JAK1: variants seen among roughly 807,000 people sequenced by gnomAD.
The protein encoded by JAK1 is tyrosine-protein kinase JAK1.
Under a neutral mutation model 136.6 loss-of-function variants are expected in JAK1, and 16 were observed. That is an observed-to-expected ratio of 0.12 (90% CI 0.08 to 0.18). JAK1 has a LOEUF of 0.18. Ranked by LOEUF, JAK1 falls within the 10% of genes least tolerant of loss-of-function variation. The pLI is 1.00. For missense variants in JAK1, 859 were observed against 1,450.1 expected (o/e 0.59, Z 6.62); for synonymous variants, 492 against 519.5 (o/e 0.95, Z 0.72).
intron 1 of JAK1, among the ~76,000 whole-genome samples, chr1:64,951,652 T>C (rs1237641694): frequency 1.5e-4 from 2 of 13,652 alleles, no homozygotes; most frequent in Non-Finnish European, 2.5e-4. Context: ...GTTCTGCCTT[T>C]TTTTTTTTTT....
At position 65,065,568 on chromosome 1, in the gene JAK1, G is replaced by A. The variant is rs759345913; in HGVS notation, c.-181+2036C>T. Among the ~76,000 whole-genome samples the A allele has an allele frequency of 4.5e-4, 68 of 151,684 alleles. 1 individual carries two copies. The highest frequency in any genetic ancestry group is 2.0e-4 in the Admixed American group (3 of 15,220). On this transcript the variant is annotated intron_variant, in intron 1 of 25. Coordinates refer to the JAK1 transcript ENST00000671954. Reference sequence around the variant, plus strand: ...ATTATAAAGCTAGGAGGCTTTTAGAGGGAAACGCTGTTGGAATATTCAGGA... The same window carrying A: ...ATTATAAAGCTAGGAGGCTTTTAGAAGGAAACGCTGTTGGAATATTCAGGA...
At chr1:65,062,072 A>G (rs1377375357) in intron 1 of JAK1, among the ~76,000 whole-genome samples, 2 of 152,178 alleles carry the variant, frequency 1.3e-5, no homozygotes, top group Admixed American at 6.5e-5. Flanking sequence ...ACACGGTAAC[A>G]AAGAGAAGAC....
chr1:64,975,245 A>G (rs778140331), intron 2 of JAK1, among the ~76,000 whole-genome samples: 2 of 152,138 alleles, frequency 1.3e-5, no homozygotes, highest in Non-Finnish European at 2.9e-5. Flanking sequence ...ATAGGCATGC[A>G]CCACTGCACC....
In JAK1 at chr1:64,984,413, C is replaced by T. The variant is rs189574479; in HGVS notation, c.-78+60067G>A. Reference sequence around the variant, plus strand: ...GGGTAGGTTCACTTGGTCTCTCCTACGCAGAAGAGAATGTCCAAGAAATGA... The same window carrying T: ...GGGTAGGTTCACTTGGTCTCTCCTATGCAGAAGAGAATGTCCAAGAAATGA... On this transcript the variant is annotated intron_variant, in intron 2 of 25. Transcript: ENST00000671954. This position sits in a 1 kb window ranked among gnomAD's most constrained non-coding sequence, Gnocchi z 4.1. 3.0e-4 allele frequency among the ~76,000 whole-genome samples: 45 copies of T among 152,258 alleles called. No homozygotes were observed. Among genetic ancestry groups the T allele is most frequent in the Admixed American group, 3.3e-4 (5 of 15,284 alleles).
At chr1:64,853,724 ACTGC>A (rs1426715513) in intron 11 of JAK1, among the ~76,000 whole-genome samples, 2 of 151,898 alleles carry the variant, frequency 1.3e-5, no homozygotes, top group East Asian at 3.9e-4. Context: ...AGGTACATAA[ACTGC>A]CTGGGCCACA....
chr1:64,988,479 C>A (rs192076545), intron 2 of JAK1, among the ~76,000 whole-genome samples: 1 of 151,998 alleles, frequency 6.6e-6, no homozygotes, highest in East Asian at 1.9e-4. Context: ...GCTCCTGTCC[C>A]CCCCATAGAA....
intron 10 of JAK1, 118 bp from the exon 11 acceptor site, chr1:64,855,816 T>C: frequency 1.4e-6 from 1 of 728,420 alleles, no homozygotes; most frequent in Non-Finnish European, 2.2e-6. Context: ...CTGTAACATT[T>C]CTGTAAATCT....
chr1:64,877,715 G>A (rs1644695258), intron 4 of JAK1, among the ~76,000 whole-genome samples: 1 of 152,120 alleles, frequency 6.6e-6, no homozygotes, highest in Non-Finnish European at 1.5e-5. Context: ...GAAACCTAGA[G>A]GGAAAGAATT....
At chr1:65,046,341 G>T (rs1455234509) in intron 1 of JAK1, among the ~76,000 whole-genome samples, 4 of 152,204 alleles carry the variant, frequency 2.6e-5, no homozygotes, top group Non-Finnish European at 5.9e-5. Flanking sequence ...CAAGCTGGAG[G>T]CCATGCCAAA....
At chr1:64,951,450 C>T (rs1050178518) in intron 1 of JAK1, among the ~76,000 whole-genome samples, 1 of 152,142 alleles carries the variant, frequency 6.6e-6, no homozygotes, top group Non-Finnish European at 1.5e-5. Flanking sequence ...AGGGTTCCTA[C>T]TACGTGCCAA....
At chr1:65,058,581 G>T (rs1647652789) in intron 1 of JAK1, 1 of 505,672 alleles carries the variant, frequency 2.0e-6, no homozygotes, top group African/African-American at 2.0e-5. Context: ...GGCTCCCCAT[G>T]AAGTGAAGGA....
intron 23 of JAK1, among the ~76,000 whole-genome samples, chr1:64,835,854 T>C (rs965403244): frequency 1.3e-5 from 2 of 151,992 alleles, no homozygotes; most frequent in Non-Finnish European, 2.9e-5. Context: ...CTGCCCTTCA[T>C]CTCTACACAG....
At chr1:65,050,600 T>C (rs1267732471) in intron 1 of JAK1, among the ~76,000 whole-genome samples, 2 of 151,918 alleles carry the variant, frequency 1.3e-5, no homozygotes, top group African/African-American at 4.8e-5. Flanking sequence ...GCCACTAGAG[T>C]GTTTTAAACC....
chr1:65,055,334 T>C (rs1647484387), intron 1 of JAK1, among the ~76,000 whole-genome samples: 1 of 152,238 alleles, frequency 6.6e-6, no homozygotes. Context: ...TGTCAGAATT[T>C]CCTTCCTTTT....
chr1:65,067,236 C>G (rs1648095897), intron 1 of JAK1, among the ~76,000 whole-genome samples: 1 of 150,846 alleles, frequency 6.6e-6, no homozygotes, highest in African/African-American at 2.4e-5. Flanking sequence ...AAGGCAGGCG[C>G]TAGGCGCTGG....
At chr1:65,044,438 T>G (rs1363303148) in intron 2 of JAK1, among the ~76,000 whole-genome samples, 3 of 152,200 alleles carry the variant, frequency 2.0e-5, no homozygotes, top group Non-Finnish European at 2.9e-5. Context: ...TTGCAAGTTT[T>G]TCAAATGGGT....
intron 1 of JAK1, among the ~76,000 whole-genome samples, chr1:65,060,472 C>T (rs892037922): frequency 2.0e-5 from 3 of 152,104 alleles, no homozygotes; most frequent in African/African-American, 4.8e-5. Context: ...AGTATAAAGA[C>T]GAAGGAAGTG....
intron 8 of JAK1, among the ~76,000 whole-genome samples, chr1:64,862,279 T>G (rs1343072776): frequency 6.6e-6 from 1 of 152,198 alleles, no homozygotes; most frequent in Non-Finnish European, 1.5e-5. Flanking sequence ...TAGGTCAAAA[T>G]GGTCAAATAT....
At chr1:65,048,003 A>G (rs1647204193) in intron 1 of JAK1, among the ~76,000 whole-genome samples, 1 of 152,162 alleles carries the variant, frequency 6.6e-6, no homozygotes, top group Admixed American at 6.5e-5. Context: ...GAGCCCACGG[A>G]CCTACAGTTA....
Sources: allele counts gnomAD v4.1 joint callset (sites outside exome capture counted in the v4.1 genomes callset), GRCh38; gene constraint gnomAD v4.1.1; non-coding constraint Gnocchi (gnomAD v3.1); transcripts MANE v1.5; gene names NCBI Gene and HGNC (gene_info 2026-07-23, HGNC 2026-07-21).